Variants in ACAP2 observed in about 807,000 individuals in gnomAD.
ACAP2 encodes ArfGAP with coiled-coil, ankyrin repeat and PH domains 2.
In ACAP2, 39 loss-of-function variants were observed where a neutral mutation model predicts 115.8. The ratio of observed to expected loss-of-function variants is 0.34; its 90% CI spans 0.26 to 0.44. The LOEUF (loss-of-function observed/expected upper bound fraction) is 0.44. Among genes scored for constraint, ACAP2 ranks in the 20% least tolerant of loss-of-function variants. ACAP2 has a pLI of 1.00. For missense variants in ACAP2, 662 were observed against 927.6 expected, an observed-to-expected ratio of 0.71 and a Z score of 3.72; for synonymous variants, 289 against 315.8, an observed-to-expected ratio of 0.92 and a Z score of 0.90.
chr3:195,335,737 G>C (rs74288794), intron 7 of ACAP2, among the ~76,000 whole-genome samples: 3,287 of 152,144 alleles, frequency 0.022, 114 homozygotes, highest in East Asian at 0.1. Context: ...TTAGAAAAAA[G>C]CTAGGTGGGG....
intron 4 of ACAP2, among the ~76,000 whole-genome samples, chr3:195,374,899 T>TAAAACATCTG (rs1466958703): frequency 6.6e-6 from 1 of 151,944 alleles, no homozygotes; most frequent in African/African-American, 2.4e-5. Context: ...CCTTATTTTT[T>TAAAACATCTG]AAAACATCTG....
In ACAP2 at chr3:195,276,914, A is replaced by G. The variant is rs961752086; in HGVS notation, c.*2414T>C. 1 of 152,224 alleles carries G rather than the reference A, an allele frequency of 6.6e-6. No homozygotes were observed. Among genetic ancestry groups the G allele is most frequent in the South Asian group, 2.1e-4 (1 of 4,836 alleles). 9.4% of individuals were successfully genotyped at this position (152,224 alleles called of 1,614,324 possible). A position where few individuals can be genotyped will look rare whatever the true frequency, so the allele number is the denominator to read the frequency against. On this transcript the variant is annotated 3_prime_UTR_variant, in exon 23 of 23. Transcript: ENST00000326793. Reference sequence around the variant, plus strand: ...TACTTGTATTGCTAGGCTCCCTGCAATATTAAAGATTTTGCTTTCTCTGAA... The same window carrying G: ...TACTTGTATTGCTAGGCTCCCTGCAGTATTAAAGATTTTGCTTTCTCTGAA...
chr3:195,326,793 A>C (rs1004584174), intron 9 of ACAP2, 92 bp downstream of exon 9: 15 of 1,088,614 alleles, frequency 1.4e-5, no homozygotes, highest in Non-Finnish European at 2.0e-5. Context: ...ACAACTCAAA[A>C]GATTTGTTCC....
intron 4 of ACAP2, among the ~76,000 whole-genome samples, chr3:195,372,677 C>G (rs1171270789): frequency 1.3e-5 from 2 of 151,956 alleles, no homozygotes; most frequent in Non-Finnish European, 2.9e-5. Flanking sequence ...ATTAGCCAGG[C>G]ATGGTGGCAC....
chr3:195,300,044 C>CTTTTTTT (rs765234326), intron 15 of ACAP2, among the ~76,000 whole-genome samples: 5 of 34,346 alleles, frequency 1.5e-4, no homozygotes, highest in Admixed American at 2.7e-4. Flanking sequence ...CTTTTTTTTT[C>CTTTTTTT]TTTTTTTTTT....
intron 13 of ACAP2, among the ~76,000 whole-genome samples, chr3:195,303,849 A>C (rs572123037): frequency 1.3e-5 from 2 of 152,124 alleles, no homozygotes; most frequent in Admixed American, 1.3e-4. Context: ...GATATGGTCT[A>C]TAAAAAGTCT....
intron 1 of ACAP2, among the ~76,000 whole-genome samples, chr3:195,426,690 C>A (rs1162374788): frequency 1.3e-5 from 2 of 152,120 alleles, no homozygotes; most frequent in Non-Finnish European, 2.9e-5. Context: ...AAAGAAAAAA[C>A]TTCCTAACAA....
chr3:195,432,288 T>C (rs1308762374), intron 1 of ACAP2, among the ~76,000 whole-genome samples: 2 of 152,238 alleles, frequency 1.3e-5, no homozygotes. Context: ...AAAGATTTAA[T>C]TCTGTTTTCT....
rs17855020 is a variant in ACAP2, at chr3:195,294,793, C to T, written c.1691G>A (p.Gly564Glu). 6.2e-7 allele frequency: 1 copy of T among 1,602,062 alleles called. No homozygotes were observed. Among genetic ancestry groups the T allele is most frequent in the East Asian group, 2.2e-5 (1 of 44,458 alleles). Reference protein sequence around the residue: ...AQSSVRSNDSGIQQSSDDGRE... With the variant: ...AQSSVRSNDSEIQQSSDDGRE... ...TCCATCATCAGAGCTCTGCTGAATT[C>T]CACTGTCATTACTTCTGACTGTTTT... is the stretch of plus-strand genomic sequence containing the variant. The change falls in exon 18 of 23, where the codon GGA (glycine) becomes GAA (glutamate). Residue 564 changes from glycine to glutamate, a missense_variant. By Grantham distance (98) the Gly-to-Glu change is moderately conservative. This residue lies in a region of ACAP2 where 133 missense variants were observed against 123.1 expected (regional missense o/e 1.08). Transcript: ENST00000326793.
At chr3:195,439,965 C>T (rs1715875826) in intron 1 of ACAP2, among the ~76,000 whole-genome samples, 1 of 152,018 alleles carries the variant, frequency 6.6e-6, no homozygotes, top group Non-Finnish European at 1.5e-5. Context: ...AGTACTTTTA[C>T]GGAGGTTTTG....
chr3:195,306,619 A>G lies in ACAP2; in HGVS notation c.1011-3T>C, dbSNP rs778955899. The G allele has an allele frequency of 1.2e-6, 2 of 1,608,058 alleles. No homozygotes were observed. Among genetic ancestry groups the G allele is most frequent in the South Asian group, 1.1e-5 (1 of 90,458 alleles). The stretch of plus-strand genomic sequence containing the variant: ...AATCTGCCTGGAGCATGCAACTTCT[A>G]AAAGGAAATAACATATTGTTTTCTC... On this transcript the variant is annotated splice_polypyrimidine_tract_variant and splice_region_variant and intron_variant, in intron 12 of 22. Coordinates refer to ENST00000326793, the MANE Select transcript of ACAP2 (RefSeq NM_012287.6).
intron 9 of ACAP2, among the ~76,000 whole-genome samples, chr3:195,321,360 T>A (rs1729441753): frequency 6.6e-6 from 1 of 151,620 alleles, no homozygotes; most frequent in East Asian, 1.9e-4. Flanking sequence ...GTAGCTCGAA[T>A]TACGGACATA....
intron 10 of ACAP2, among the ~76,000 whole-genome samples, chr3:195,318,043 G>A (rs12054406): frequency 0.24 from 36,406 of 151,960 alleles, 5,097 homozygotes; most frequent in East Asian, 0.71. Flanking sequence ...TGGTGAGGGA[G>A]TTCTTAGGAG....
At chr3:195,332,215 G>A (rs1006552264) in intron 8 of ACAP2, among the ~76,000 whole-genome samples, 2 of 150,884 alleles carry the variant, frequency 1.3e-5, no homozygotes, top group Admixed American at 1.3e-4. Flanking sequence ...GTTCCCAAGA[G>A]CTCTATAATT....
Position 195,391,231 on chromosome 3 carries a change from T to TC in ACAP2, c.111+858_111+859insG, listed in dbSNP as rs60498431. ...AATACAGAAAAAGCTTCTCTTTCTT[T>TC]TTTTTTTTTTTTTTTGAGATGGAGT... On this transcript the variant is annotated intron_variant, in intron 2 of 22. Coordinates refer to ENST00000326793, the MANE Select transcript of ACAP2 (RefSeq NM_012287.6). Among the ~76,000 whole-genome samples the TC allele has an allele frequency of 1.2e-4, 18 of 146,260 alleles. 2 individuals are homozygous for TC. The highest frequency in any genetic ancestry group is 1.4e-4 in the Admixed American group (2 of 14,704).
chr3:195,295,169 G>C (rs747657547), intron 17 of ACAP2: 22 of 1,228,410 alleles, frequency 1.8e-5, no homozygotes, highest in Non-Finnish European at 2.4e-5. Context: ...GCACAGACTT[G>C]GAATGCTCCA....
At chr3:195,313,844 A>G (rs1422865513) in intron 10 of ACAP2, among the ~76,000 whole-genome samples, 4 of 152,324 alleles carry the variant, frequency 2.6e-5, no homozygotes, top group Admixed American at 2.0e-4. Flanking sequence ...AAAAGAGAAT[A>G]TAAGTTCTAA....
chr3:195,327,969 T>TATAA (rs1553851235), intron 8 of ACAP2, among the ~76,000 whole-genome samples: 2 of 152,158 alleles, frequency 1.3e-5, no homozygotes, highest in African/African-American at 4.8e-5. Flanking sequence ...TGTATATATA[T>TATAA]AACCCATTTT....
Position 195,302,009 on chromosome 3 carries a change from T to G in ACAP2, c.1282A>C (p.Asn428His). ...TCGATACACAAGGTGATGCCCAGGT[T>G]GATGCTGGCCCACCGTGGATCTGCC... The part of the protein sequence containing the change: ...GLADPRWASI[N>H]LGITLCIECS... Residue 428 changes from asparagine to histidine, a missense_variant, in exon 14 of 23, where the codon AAC (asparagine) becomes CAC (histidine). Asn to His is a moderately conservative substitution (Grantham distance 68, BLOSUM62 1). Transcript: ENST00000326793. 1.2e-6 allele frequency: 2 copies of G among 1,613,862 alleles called. No individual in the cohort carries two copies. Among genetic ancestry groups the G allele is most frequent in the South Asian group, 2.2e-5 (2 of 91,062 alleles).
Sources: gnomAD v4.1 joint callset for allele counts (sites outside exome capture counted in the v4.1 genomes callset) on GRCh38, gnomAD v4.1.1 for gene constraint, gnomAD v4.1.1 regional missense constraint, MANE v1.5 for transcripts, NCBI Gene and HGNC (gene_info 2026-07-23, HGNC 2026-07-21) for gene names.